The following GLIPR1L1 variants were observed in gnomAD, a reference collection of about 807,000 sequenced individuals.
The protein encoded by GLIPR1L1 is GLIPR1-like protein 1.
Under a neutral mutation model 29.9 loss-of-function variants are expected in GLIPR1L1, and 26 were observed. The ratio of observed to expected loss-of-function variants is 0.87; its 90% confidence interval spans 0.64 to 1.21. The LOEUF is 1.21. Ranked by LOEUF, GLIPR1L1 falls within the 50% of genes most tolerant of loss-of-function variation. The probability of loss-of-function intolerance (pLI) is 0.00; values close to 1 mark genes in which losing one functional copy is unlikely to be tolerated. For missense variants in GLIPR1L1, 305 were observed against 290.3 expected (o/e 1.05, Z -0.37); for synonymous variants, 77 against 97.5 (o/e 0.79, Z 1.24).
intron 1 of GLIPR1L1, among the ~76,000 whole-genome samples, chr12:75,341,777 G>A (rs995791066): frequency 5.6e-5 from 6 of 107,082 alleles, no homozygotes; most frequent in African/African-American, 2.3e-4. Flanking sequence ...TTTTTGAGAT[G>A]GAGTCTCTGT....
intron 1 of GLIPR1L1, among the ~76,000 whole-genome samples, chr12:75,343,097 C>T (rs984053187): frequency 1.4e-4 from 21 of 151,852 alleles, no homozygotes; most frequent in Admixed American, 1.4e-3. Flanking sequence ...AATCCTTATA[C>T]ATTTTATATA....
chr12:75,354,537 G>A (rs185489936), intron 3 of GLIPR1L1, among the ~76,000 whole-genome samples: 215 of 152,238 alleles, frequency 1.4e-3, no homozygotes, highest in African/African-American at 3.4e-3. Flanking sequence ...AATCAATATC[G>A]TGAAAATGGC....
chr12:75,334,825 T>A lies in GLIPR1L1; in HGVS notation c.97T>A (p.Phe33Ile). The change falls in exon 1 of 6, where the codon TTT becomes ATT. Residue 33 changes from phenylalanine to isoleucine, a missense_variant. Coordinates refer to ENST00000378695, the MANE Select transcript of GLIPR1L1 (RefSeq NM_001304964.2). Reference protein sequence around the residue: ...SKIPSITDPHFIDNCIEAHNE... With the variant: ...SKIPSITDPHIIDNCIEAHNE... Reference sequence around the variant, plus strand: ...AATCCCATCCATCACTGACCCACACTTTATAGACAACTGCATAGAAGCCCA... The same window carrying A: ...AATCCCATCCATCACTGACCCACACATTATAGACAACTGCATAGAAGCCCA... 2.5e-6 allele frequency: 4 copies of A among 1,614,138 alleles called. No individual in the cohort carries two copies. The highest frequency in any genetic ancestry group is 3.4e-6 in the Non-Finnish European group (4 of 1,180,014).
At chr12:75,340,180 C>T (rs1302637831) in intron 1 of GLIPR1L1, among the ~76,000 whole-genome samples, 1 of 150,354 alleles carries the variant, frequency 6.7e-6, no homozygotes, top group Middle Eastern at 3.2e-3. Flanking sequence ...ATACATACCA[C>T]ATTTTCTTTA....
chr12:75,344,438 C>A lies in GLIPR1L1; in HGVS notation c.420+500C>A, dbSNP rs375598351. The stretch of plus-strand genomic sequence containing the variant: ...TAATCCCATTCAGTTTGTTTTCAAT[C>A]TTGCACCTTAAAGTTTGTATCTCTA... On this transcript the variant is annotated intron_variant, in intron 2 of 5. Coordinates refer to ENST00000378695, the MANE Select transcript of GLIPR1L1 (RefSeq NM_001304964.2). 6.6e-5 allele frequency among the ~76,000 whole-genome samples: 10 copies of A among 152,146 alleles called. No homozygotes were observed. The East Asian group carries it at 1.5e-3, about 23-fold the overall frequency.
chr12:75,341,727 T>G (rs2139319207), intron 1 of GLIPR1L1, among the ~76,000 whole-genome samples: 1 of 149,660 alleles, frequency 6.7e-6, no homozygotes, highest in Admixed American at 6.7e-5. Flanking sequence ...ATTAAAGGCG[T>G]GAGCCACCGC....
chr12:75,334,865 G>GCAAA lies in GLIPR1L1; in HGVS notation c.138_141dup (p.Val48GlnfsTer16), dbSNP rs1593627582. On this transcript the variant is annotated frameshift_variant, in exon 1 of 6. Transcript: ENST00000378695. LOFTEE classifies it high-confidence loss of function. ...ATAGAAGCCCACAACGAATGGCGTG[G>GCAAA]CAAAGTCAACCCTCCCGCGGCCGAC... 1.9e-6 allele frequency: 3 copies of GCAAA among 1,614,082 alleles called. No homozygotes were observed.
chr12:75,365,054 ATTAT>A (rs1223560827), intron 4 of GLIPR1L1: 2 of 152,128 alleles, frequency 1.3e-5, no homozygotes, highest in African/African-American at 4.8e-5. Flanking sequence ...ATCTGAACTA[ATTAT>A]ATCCCTCAAA....
intron 4 of GLIPR1L1, among the ~76,000 whole-genome samples, chr12:75,368,690 G>A (rs1391960677): frequency 6.6e-6 from 1 of 151,832 alleles, no homozygotes; most frequent in Non-Finnish European, 1.5e-5. Context: ...CTTCAAGTTT[G>A]TATTAGACTC....
At chr12:75,355,050 T>A (rs1056186328) in intron 3 of GLIPR1L1, among the ~76,000 whole-genome samples, 2 of 152,048 alleles carry the variant, frequency 1.3e-5, no homozygotes, top group African/African-American at 4.8e-5. Context: ...TAGGCAATAC[T>A]ATTCAGGACA....
chr12:75,368,364 A>C (rs866361319), intron 4 of GLIPR1L1, among the ~76,000 whole-genome samples: 1 of 149,584 alleles, frequency 6.7e-6, no homozygotes, highest in Admixed American at 6.8e-5. Context: ...AACTTTAACA[A>C]TTTTTTCCTG....
rs372535531 is a variant in GLIPR1L1, at chr12:75,368,527, T to A, written c.611-1433T>A. On this transcript the variant is annotated intron_variant, in intron 4 of 5. Transcript: ENST00000378695. ...CAGGAATACAATATTACGTTATTCT[T>A]TCATTCTTGTGATAAATCCAATTTG... Among the ~76,000 whole-genome samples the A allele has an allele frequency of 9.2e-5, 14 of 151,966 alleles. No individual in the cohort carries two copies. In the East Asian group the frequency reaches 2.7e-3, roughly 29 times the overall value.
chr12:75,353,399 A>C (rs1436331611), intron 3 of GLIPR1L1, among the ~76,000 whole-genome samples: 1 of 152,198 alleles, frequency 6.6e-6, no homozygotes, highest in African/African-American at 2.4e-5. Context: ...ATCTAGAAGA[A>C]ATTGATAAAT....
chr12:75,342,417 T>A (rs930772057), intron 1 of GLIPR1L1, among the ~76,000 whole-genome samples: 4 of 152,226 alleles, frequency 2.6e-5, no homozygotes, highest in Non-Finnish European at 4.4e-5. Flanking sequence ...GTATTATTTT[T>A]GTAACTTCTT....
intron 1 of GLIPR1L1, among the ~76,000 whole-genome samples, chr12:75,337,871 G>A (rs912986505): frequency 4.0e-5 from 6 of 151,762 alleles, no homozygotes; most frequent in Non-Finnish European, 7.4e-5. Flanking sequence ...AAGAATCCGG[G>A]GTTAGAGATT....
chr12:75,342,826 TAA>T (rs1299177416), intron 1 of GLIPR1L1, among the ~76,000 whole-genome samples: 1 of 152,118 alleles, frequency 6.6e-6, no homozygotes, highest in Non-Finnish European at 1.5e-5. Context: ...TCCATTTATT[TAA>T]GTCTTTTACA....
intron 3 of GLIPR1L1, among the ~76,000 whole-genome samples, chr12:75,357,887 T>C (rs1159555910): frequency 2.1e-5 from 3 of 144,818 alleles, no homozygotes; most frequent in Admixed American, 6.8e-5. Flanking sequence ...AGGCCCACAA[T>C]AGAAAAAAAA....
chr12:75,348,425 A>G (rs1264089442), intron 3 of GLIPR1L1, among the ~76,000 whole-genome samples: 3 of 152,216 alleles, frequency 2.0e-5, no homozygotes, highest in African/African-American at 7.2e-5. Flanking sequence ...TTCTTCCATG[A>G]CCTTTCACTT....
chr12:75,343,915 A>G lies in GLIPR1L1; in HGVS notation c.397A>G (p.Arg133Gly). 6.2e-7 allele frequency: 1 copy of G among 1,610,840 alleles called. No individual in the cohort carries two copies. The highest frequency in any genetic ancestry group is 8.5e-7 in the Non-Finnish European group (1 of 1,177,598). Residue 133 changes from arginine (R) to glycine (G), a missense_variant, in exon 2 of 6, where the codon AGA becomes GGA. Physicochemically the swap from Arg to Gly is moderately radical, Grantham distance 125. Coordinates refer to ENST00000378695, the MANE Select transcript of GLIPR1L1 (RefSeq NM_001304964.2). ...FYDFDSLSCS[R>G]VCGHYTQLVW... is the part of the protein sequence containing the mutation. ...TGATTTTGATAGTCTATCATGCTCC[A>G]GAGTCTGTGGCCATTATACACAGGT...
Sources: allele counts gnomAD v4.1 joint callset (sites outside exome capture counted in the v4.1 genomes callset), GRCh38; gene constraint gnomAD v4.1.1; transcripts MANE v1.5; gene names NCBI Gene and HGNC (gene_info 2026-07-23, HGNC 2026-07-21).